The following ANK2 variants were observed in gnomAD, a reference collection of about 807,000 sequenced individuals.
ANK2 encodes ankyrin-2.
Under a neutral mutation model 360.5 loss-of-function variants are expected in ANK2, and 83 were observed. That is an observed-to-expected ratio of 0.23 (90% confidence interval 0.19 to 0.28). The LOEUF (loss-of-function observed/expected upper bound fraction) is 0.28, where lower values mean the gene tolerates loss of function less well. Among genes scored for constraint, ANK2 ranks in the 10% least tolerant of loss-of-function variants. ANK2 has a pLI of 1.00. For missense variants in ANK2, 4,201 were observed against 4,795.7 expected (o/e 0.88, Z 3.66); for synonymous variants, 1,740 against 1,759.5 (o/e 0.99, Z 0.28).
chr4:112,936,738 C>T (rs563898010), intron 2 of ANK2, among the ~76,000 whole-genome samples: 1 of 152,256 alleles, frequency 6.6e-6, no homozygotes, highest in South Asian at 2.1e-4. Flanking sequence ...ATAATCTACA[C>T]AGATCATGTT....
At chr4:113,102,578 A>C (rs1395777769) in intron 1 of ANK2, among the ~76,000 whole-genome samples, 2 of 152,158 alleles carry the variant, frequency 1.3e-5, no homozygotes, top group Admixed American at 1.3e-4. Flanking sequence ...CCTCAAAGAA[A>C]ACTGAAGCAA....
At chr4:112,789,891 G>A in the ANK2 span, among the ~76,000 whole-genome samples, 2 of 152,194 alleles carry the variant, frequency 1.3e-5, no homozygotes, top group Non-Finnish European at 2.9e-5. Context: ...CCTTATATCT[G>A]TTAGGATGGC....
chr4:112,979,072 C>A (rs994971756), intron 2 of ANK2, among the ~76,000 whole-genome samples: 1 of 152,234 alleles, frequency 6.6e-6, no homozygotes, highest in Non-Finnish European at 1.5e-5. Flanking sequence ...TCATCAGCAC[C>A]TTTGCCTGAG....
At chr4:112,784,234 C>T in the ANK2 span, among the ~76,000 whole-genome samples, 1 of 151,304 alleles carries the variant, frequency 6.6e-6, no homozygotes, top group Admixed American at 6.6e-5. Context: ...GTCTCGCTTG[C>T]AGTACAGTGG....
chr4:112,745,874 G>A, the ANK2 span, among the ~76,000 whole-genome samples: 4 of 151,998 alleles, frequency 2.6e-5, no homozygotes, highest in South Asian at 8.3e-4. Flanking sequence ...ATATATGTTT[G>A]TATCCATTAA....
At chr4:113,193,051 G>A (rs2098696234) in intron 2 of ANK2, among the ~76,000 whole-genome samples, 1 of 151,980 alleles carries the variant, frequency 6.6e-6, no homozygotes, top group Non-Finnish European at 1.5e-5. Flanking sequence ...ATCCTGGTGT[G>A]GACTATATAG....
chr4:113,138,697 C>T (rs2096533862), intron 1 of ANK2, among the ~76,000 whole-genome samples: 1 of 152,124 alleles, frequency 6.6e-6, no homozygotes, highest in Non-Finnish European at 1.5e-5. Context: ...TAGGATTACA[C>T]AGAACTGAGC....
chr4:113,363,317 A>G, intron 39 of ANK2, 21 bp from the exon 40 acceptor site: 1 of 1,611,226 alleles, frequency 6.2e-7, no homozygotes, highest in Non-Finnish European at 8.5e-7. Flanking sequence ...TGTGTTTACA[A>G]AGTAGTATTT....
chr4:112,970,626 G>A (rs561604579), intron 2 of ANK2, among the ~76,000 whole-genome samples: 1 of 152,140 alleles, frequency 6.6e-6, no homozygotes, highest in East Asian at 1.9e-4. Flanking sequence ...TTTCTACATA[G>A]GTTTATTCTA....
chr4:113,350,424 A>T, intron 37 of ANK2, 175 bp downstream of exon 37: 1 of 545,032 alleles, frequency 1.8e-6, no homozygotes, highest in Non-Finnish European at 3.2e-6. Context: ...AATTACAAAT[A>T]TACCTAATTT....
intron 4 of ANK2, among the ~76,000 whole-genome samples, chr4:113,223,671 G>T (rs921275316): frequency 6.6e-6 from 1 of 152,152 alleles, no homozygotes; most frequent in African/African-American, 2.4e-5. Flanking sequence ...GATGTGGTTG[G>T]CAGGGTAGGT....
chr4:112,938,487 T>A (rs1348147332), intron 2 of ANK2, among the ~76,000 whole-genome samples: 1 of 152,208 alleles, frequency 6.6e-6, no homozygotes, highest in South Asian at 2.1e-4. Flanking sequence ...GTTCCAGCAA[T>A]CTACTTTTAT....
chr4:113,184,170 G>T (rs555662402), intron 2 of ANK2, among the ~76,000 whole-genome samples: 1 of 151,586 alleles, frequency 6.6e-6, no homozygotes, highest in South Asian at 2.1e-4. Context: ...TTAGCCCAGA[G>T]TATTTGCTAA....
At chr4:112,982,970 G>A (rs959071537) in intron 2 of ANK2, among the ~76,000 whole-genome samples, 1 of 152,142 alleles carries the variant, frequency 6.6e-6, no homozygotes. Flanking sequence ...TCTGTTTGAA[G>A]AATGCAACAA....
intron 30 of ANK2, 104 bp from the exon 31 acceptor site, chr4:113,336,473 T>C (rs1358864385): frequency 6.1e-6 from 7 of 1,144,612 alleles, no homozygotes; most frequent in Non-Finnish European, 8.6e-6. Context: ...ATTTGTAAGA[T>C]AAAAAATACT....
At chr4:113,146,102 C>G in intron 1 of ANK2, 1 of 1,207,586 alleles carries the variant, frequency 8.3e-7, no homozygotes, top group Non-Finnish European at 1.1e-6. Context: ...TGGAAGGAAG[C>G]TGACAGAATA....
chr4:112,921,463 C>G (rs575850635), intron 2 of ANK2, among the ~76,000 whole-genome samples: 2 of 145,798 alleles, frequency 1.4e-5, no homozygotes, highest in Non-Finnish European at 3.0e-5. Flanking sequence ...GGTACTATTC[C>G]TCTAATTATT....
intron 1 of ANK2, among the ~76,000 whole-genome samples, chr4:112,818,891 T>C (rs76753897): frequency 0.072 from 10,899 of 152,274 alleles, 628 homozygotes; most frequent in African/African-American, 0.16. Flanking sequence ...CTTTCTCCCT[T>C]TCCCAGCTAG....
chr4:113,104,209 G>T (rs1410093336), intron 1 of ANK2, among the ~76,000 whole-genome samples: 7 of 151,928 alleles, frequency 4.6e-5, no homozygotes, highest in African/African-American at 9.7e-5. Context: ...GGTTGTTGCT[G>T]TTGTTGTTTT....
Sources: allele counts gnomAD v4.1 joint callset (sites outside exome capture counted in the v4.1 genomes callset), GRCh38; gene constraint gnomAD v4.1.1; transcripts MANE v1.5; gene names NCBI Gene and HGNC (gene_info 2026-07-23, HGNC 2026-07-21).